The following MX1 variants were observed in gnomAD, a reference collection of about 807,000 sequenced individuals.
MX1 encodes MX dynamin like GTPase 1, also known as interferon-induced GTP-binding protein Mx1.
MX1 carries 66 observed loss-of-function variants against 66.4 expected under a neutral mutation model. That is an observed-to-expected ratio of 0.99 (90% CI 0.82 to 1.22). The LOEUF is 1.22. Ranked by LOEUF, MX1 falls within the 50% of genes most tolerant of loss-of-function variation. The probability of loss-of-function intolerance (pLI) is 0.00; values close to 1 mark genes in which losing one functional copy is unlikely to be tolerated. For missense variants in MX1, 787 were observed against 834.3 expected, an observed-to-expected ratio of 0.94 and a Z score of 0.70; for synonymous variants, 311 against 318.1, an observed-to-expected ratio of 0.98 and a Z score of 0.24.
At chr21:41,430,785 T>A (rs2090189660) in intron 4 of MX1, among the ~76,000 whole-genome samples, 177 bp downstream of exon 4, 1 of 152,166 alleles carries the variant, frequency 6.6e-6, no homozygotes. Flanking sequence ...TGCAGACAAG[T>A]ATAAGGCAGT....
rs1472822834 is a variant in MX1, at chr21:41,445,997, CAG to C, written c.1132-1_1132del. 5 of 1,613,224 alleles carry C rather than the reference CAG, an allele frequency of 3.1e-6. No homozygotes were observed. In the African/African-American group the frequency reaches 4.0e-5, roughly 13 times the overall value. ...CTTATACTGATGTTTTTCTTCTTGACAGAAAGTTAATGCCTTTAATCAGGACA... is the reference window on the plus strand; with the variant it reads ...CTTATACTGATGTTTTTCTTCTTGACAAAGTTAATGCCTTTAATCAGGACA... On this transcript the variant is annotated splice_acceptor_variant, in intron 12 of 16. Transcript: ENST00000398598. LOFTEE classifies it high-confidence loss of function.
rs778153448 is a variant in MX1 at position 41,443,823 on chromosome 21, G to T, written c.965G>T (p.Cys322Phe). Reference protein sequence around the residue: ...LLEEGKATVPCLAEKLTSELI... With the variant: ...LLEEGKATVPFLAEKLTSELI... Reference sequence around the variant, plus strand: ...GAGGAAGGAAAGGCCACGGTTCCCTGCCTGGCAGAAAAACTTACCAGCGAG... The same window carrying T: ...GAGGAAGGAAAGGCCACGGTTCCCTTCCTGGCAGAAAAACTTACCAGCGAG... Residue 322 changes from cysteine to phenylalanine, a missense_variant, in exon 11 of 17, where the codon TGC becomes TTC. Coordinates refer to ENST00000398598, the MANE Select transcript of MX1 (RefSeq NM_002462.5). 1.2e-6 allele frequency: 2 copies of T among 1,614,230 alleles called. No homozygotes were observed. The highest frequency in any genetic ancestry group is 1.7e-5 in the Admixed American group (1 of 60,020).
chr21:41,449,016 A>G, intron 13 of MX1, 121 bp from the exon 14 acceptor site: 2 of 777,794 alleles, frequency 2.6e-6, no homozygotes, highest in African/African-American at 3.6e-5. Context: ...GTTAGATTTG[A>G]TTTGATACCA....
At chr21:41,436,501 A>T (rs2090367054) in intron 6 of MX1, among the ~76,000 whole-genome samples, 1 of 152,232 alleles carries the variant, frequency 6.6e-6, no homozygotes, top group Non-Finnish European at 1.5e-5. Context: ...TGGGTCCCCC[A>T]GTTCAGAACT....
chr21:41,447,083 G>A (rs1269770451), intron 13 of MX1, among the ~76,000 whole-genome samples: 1 of 152,162 alleles, frequency 6.6e-6, no homozygotes, highest in Admixed American at 6.5e-5. Context: ...ACTTGGGGGG[G>A]CTTAAACAGT....
At chr21:41,438,431 G>C (rs768946139) in intron 7 of MX1, among the ~76,000 whole-genome samples, 5 of 152,218 alleles carry the variant, frequency 3.3e-5, no homozygotes, top group Non-Finnish European at 7.3e-5. Context: ...GGTCCAGGAT[G>C]GCCCTTGGCT....
chr21:41,420,595 A>G (rs2146002575), exon 1 of MX1: 1 of 152,122 alleles, frequency 6.6e-6, no homozygotes, highest in Non-Finnish European at 1.5e-5. Context: ...TGTCCGGGAA[A>G]TTCGCGGTGG....
intron 11 of MX1, 139 bp from the exon 12 acceptor site, chr21:41,445,309 T>C: frequency 9.9e-7 from 1 of 1,010,294 alleles, no homozygotes; most frequent in Non-Finnish European, 1.5e-6. Flanking sequence ...CTCCCCCGGG[T>C]CTGGAAAAGC....
chr21:41,448,396 T>G (rs1384495821), intron 13 of MX1, among the ~76,000 whole-genome samples: 2 of 152,218 alleles, frequency 1.3e-5, no homozygotes, highest in Non-Finnish European at 2.9e-5. Context: ...TTCCAGAAAG[T>G]GTTCATGCTC....
intron 5 of MX1, among the ~76,000 whole-genome samples, chr21:41,433,779 T>G (rs1568971695): frequency 1.3e-5 from 2 of 152,226 alleles, no homozygotes; most frequent in Non-Finnish European, 2.9e-5. Flanking sequence ...TTAACCCAAG[T>G]GGTTGGTACA....
intron 16 of MX1, 93 bp downstream of exon 16, chr21:41,452,962 G>T: frequency 6.9e-7 from 1 of 1,458,412 alleles, no homozygotes; most frequent in Non-Finnish European, 9.3e-7. Context: ...TGTAGGTGAC[G>T]TTGGTCAGCT....
At position 41,452,752 on chromosome 21, in the gene MX1, G is replaced by A; in HGVS notation, c.1641G>A (p.Glu547=). Residue 547 remains glutamate, a synonymous_variant, in exon 16 of 17, where the codon GAG becomes GAA. Coordinates refer to ENST00000398598, the MANE Select transcript of MX1 (RefSeq NM_002462.5). ...GGGGTGCATTGCAGAAGGTCAGAGAGAAGGAGCTGGAAGAAGAAAAGAAGA... is the reference window on the plus strand; with the variant it reads ...GGGGTGCATTGCAGAAGGTCAGAGAAAAGGAGCTGGAAGAAGAAAAGAAGA... ...VYRGALQKVR[E]KELEEEKKKK... The A allele has an allele frequency of 6.2e-7, 1 of 1,614,206 alleles. No individual in the cohort carries two copies. Among genetic ancestry groups the A allele is most frequent in the Non-Finnish European group, 8.5e-7 (1 of 1,180,042 alleles).
chr21:41,446,045 G>T lies in MX1; in HGVS notation c.1177G>T (p.Glu393Ter), dbSNP rs1298992376. The T allele has an allele frequency of 6.2e-7, 1 of 1,614,064 alleles. No homozygotes were observed. Among genetic ancestry groups the T allele is most frequent in the African/African-American group, 1.3e-5 (1 of 74,926 alleles). ...GGACATCACTGCTCTCATGCAAGGA[G>T]AGGAAACTGTAGGGGAGGAAGACAT... ...NQDITALMQG[E>*]ETVGEEDIRL... The change falls in exon 13 of 17, where the codon GAG becomes TAG. Residue 393 changes from glutamate (E) to a stop codon, truncating the protein, a stop_gained. Coordinates refer to ENST00000398598, the MANE Select transcript of MX1 (RefSeq NM_002462.5). LOFTEE classifies it high-confidence loss of function.
At chr21:41,446,756 T>G (rs192743412) in intron 13 of MX1, among the ~76,000 whole-genome samples, 204 of 152,294 alleles carry the variant, frequency 1.3e-3, no homozygotes, top group African/African-American at 4.7e-3. Flanking sequence ...CATAACCCAA[T>G]CCTTCCTAAA....
intron 6 of MX1, among the ~76,000 whole-genome samples, chr21:41,436,385 T>C (rs1257426877): frequency 1.3e-5 from 2 of 152,238 alleles, no homozygotes; most frequent in South Asian, 2.1e-4. Flanking sequence ...GGCTTCAACA[T>C]AGGAATTTGG....
intron 16 of MX1, 96 bp from the exon 17 acceptor site, chr21:41,458,432 T>G: frequency 4.1e-6 from 5 of 1,233,288 alleles, no homozygotes; most frequent in Non-Finnish European, 4.4e-6. Flanking sequence ...TCTCCCTCAT[T>G]GAGAATCTGG....
At chr21:41,425,029 T>TC (rs2090033772), upstream of MX1, among the ~76,000 whole-genome samples, 1 of 152,260 alleles carries the variant, frequency 6.6e-6, no homozygotes, top group East Asian at 1.9e-4. Flanking sequence ...GATAAGCTTT[T>TC]GAGATAAGCT....
At chr21:41,427,390 A>T (rs185337002) in intron 2 of MX1, 86 bp downstream of exon 2, 1 of 152,316 alleles carries the variant, frequency 6.6e-6, no homozygotes, top group African/African-American at 2.4e-5. Context: ...GTTTGGGGGG[A>T]AAAACGCTTT....
At chr21:41,444,069 A>G (rs1485502306) in intron 11 of MX1, among the ~76,000 whole-genome samples, 1 of 152,158 alleles carries the variant, frequency 6.6e-6, no homozygotes, top group African/African-American at 2.4e-5. Flanking sequence ...ATTCCTTTTC[A>G]GGGGACCACA....
Sources: allele counts gnomAD v4.1 joint callset (sites outside exome capture counted in the v4.1 genomes callset), GRCh38; gene constraint gnomAD v4.1.1; transcripts MANE v1.5; gene names NCBI Gene and HGNC (gene_info 2026-07-23, HGNC 2026-07-21).